ADGRL2: variants seen among roughly 807,000 people sequenced by gnomAD.
The protein encoded by ADGRL2 is adhesion G protein-coupled receptor L2.
In ADGRL2, 44 loss-of-function variants were observed where a neutral mutation model predicts 157.4. That is an observed-to-expected ratio of 0.28 (90% CI 0.22 to 0.36). The LOEUF (loss-of-function observed/expected upper bound fraction) is 0.36. Among genes scored for constraint, ADGRL2 ranks in the 10% least tolerant of loss-of-function variants. The probability of loss-of-function intolerance (pLI) is 1.00; values close to 1 mark genes in which losing one functional copy is unlikely to be tolerated. For synonymous variants in ADGRL2, 585 were observed against 624.7 expected (o/e 0.94, Z 0.95); for missense variants, 1,510 against 1,768.9 (o/e 0.85, Z 2.63).
At chr1:81,576,752 C>A (rs1029609211) in intron 2 of ADGRL2, among the ~76,000 whole-genome samples, 7 of 152,198 alleles carry the variant, frequency 4.6e-5, no homozygotes, top group African/African-American at 1.7e-4. Context: ...GTTTACCAAG[C>A]AATTAATTTA....
chr1:81,623,541 T>C (rs952875729), intron 3 of ADGRL2, among the ~76,000 whole-genome samples: 2 of 152,100 alleles, frequency 1.3e-5, no homozygotes, highest in Non-Finnish European at 2.9e-5. Flanking sequence ...TAAATGTGGT[T>C]ATATTTGGAA....
intron 2 of ADGRL2, among the ~76,000 whole-genome samples, chr1:81,487,163 G>A (rs946343299): frequency 1.5e-4 from 23 of 151,460 alleles, no homozygotes; most frequent in Admixed American, 5.3e-4. Context: ...ACCTCCTTTG[G>A]AGGCTGAGAT....
At chr1:81,576,978 T>C (rs2080810347) in intron 2 of ADGRL2, among the ~76,000 whole-genome samples, 1 of 152,160 alleles carries the variant, frequency 6.6e-6, no homozygotes, top group South Asian at 2.1e-4. Flanking sequence ...AGCATGGTTA[T>C]CATTTTTCTA....
intron 2 of ADGRL2, among the ~76,000 whole-genome samples, chr1:81,530,146 A>G (rs1234545529): frequency 6.6e-6 from 1 of 152,132 alleles, no homozygotes; most frequent in East Asian, 1.9e-4. Context: ...TGACAGGCCT[A>G]GCACCTGGTA....
chr1:81,415,903 C>T (rs1418486045), intron 1 of ADGRL2, among the ~76,000 whole-genome samples: 3 of 148,686 alleles, frequency 2.0e-5, no homozygotes, highest in East Asian at 3.9e-4. Context: ...TACAGTGGTG[C>T]GATCTCAGCT....
At chr1:81,387,502 A>T (rs2101091353) in intron 1 of ADGRL2, among the ~76,000 whole-genome samples, 1 of 152,264 alleles carries the variant, frequency 6.6e-6, no homozygotes, top group Non-Finnish European at 1.5e-5. Flanking sequence ...TGCTTTAAAT[A>T]CTTATTTCTT....
At chr1:81,522,582 A>G (rs771890377) in intron 2 of ADGRL2, among the ~76,000 whole-genome samples, 2 of 152,188 alleles carry the variant, frequency 1.3e-5, no homozygotes, top group Admixed American at 6.5e-5. Context: ...TAGGTGATGC[A>G]TAGCTTAAGA....
chr1:81,681,978 G>A (rs2083127152), intron 3 of ADGRL2, among the ~76,000 whole-genome samples: 1 of 152,146 alleles, frequency 6.6e-6, no homozygotes, highest in Non-Finnish European at 1.5e-5. Context: ...AGAAGCCAGT[G>A]AATGAAGTAA....
chr1:81,979,829 C>G, intron 17 of ADGRL2, 40 bp from the exon 18 acceptor site: 1 of 1,147,422 alleles, frequency 8.7e-7, no homozygotes, highest in Non-Finnish European at 1.3e-6. Flanking sequence ...TTTTTCAGCT[C>G]TTTGTTCATT....
intron 2 of ADGRL2, among the ~76,000 whole-genome samples, chr1:81,551,968 T>C (rs1214814397): frequency 6.6e-6 from 1 of 152,210 alleles, no homozygotes; most frequent in Non-Finnish European, 1.5e-5. Context: ...AGGAATCACT[T>C]TCCTGTTCCC....
At chr1:81,459,550 C>T (rs1044065282) in intron 2 of ADGRL2, among the ~76,000 whole-genome samples, 1 of 152,080 alleles carries the variant, frequency 6.6e-6, no homozygotes, top group African/African-American at 2.4e-5. Context: ...GTGCATACCA[C>T]ATTTTCTTTA....
chr1:81,330,425 T>C (rs979283120), intron 1 of ADGRL2, among the ~76,000 whole-genome samples: 1 of 152,180 alleles, frequency 6.6e-6, no homozygotes, highest in Admixed American at 6.6e-5. Context: ...CCTTGGGGAA[T>C]GTTCTACTGC....
intron 2 of ADGRL2, among the ~76,000 whole-genome samples, chr1:81,570,167 C>T (rs2080654213): frequency 6.6e-6 from 1 of 152,164 alleles, no homozygotes; most frequent in Non-Finnish European, 1.5e-5. Flanking sequence ...ATCAGGGTGA[C>T]ACTACACAAG....
rs149838602 is a variant in ADGRL2, at chr1:81,553,719, G to T, written c.-247-27157G>T. Among the ~76,000 whole-genome samples the T allele has an allele frequency of 5.8e-4, 89 of 152,226 alleles. 2 individuals carry two copies. The East Asian group carries it at 0.017, about 28-fold the overall frequency. On this transcript the variant is annotated intron_variant, in intron 2 of 24. Coordinates refer to the ADGRL2 transcript ENST00000370721. Reference sequence around the variant, plus strand: ...TCTGTAAGAATCAATACTTTGGCTGGGAATCTGTCAGTCTTTCAAAGTTAT... The same window carrying T: ...TCTGTAAGAATCAATACTTTGGCTGTGAATCTGTCAGTCTTTCAAAGTTAT...
At chr1:81,922,292 A>G (rs1294034248) in intron 3 of ADGRL2, among the ~76,000 whole-genome samples, 1 of 152,138 alleles carries the variant, frequency 6.6e-6, no homozygotes. Flanking sequence ...AACATGGAGC[A>G]TGTTCGCCAG....
Position 81,943,079 on chromosome 1 carries a change from A to C in ADGRL2, c.520A>C (p.Ile174Leu). Reference sequence around the variant, plus strand: ...GGACCCTCTTCAGGCTGCAGATAAAATTTATTTCATGCCCTGGACTCCCTA... The same window carrying C: ...GGACCCTCTTCAGGCTGCAGATAAACTTTATTTCATGCCCTGGACTCCCTA... ...CKDPLQAADKIYFMPWTPYRT... is the reference protein window; with the variant it reads ...CKDPLQAADKLYFMPWTPYRT... The change falls in exon 6 of 24, where the codon ATT becomes CTT. Residue 174 changes from isoleucine to leucine, a missense_variant. Around this residue, in one of 4 missense-constraint regions of ADGRL2, gnomAD observed 361 missense variants for 498.4 expected, o/e 0.72. Coordinates refer to ENST00000686636, the MANE Select transcript of ADGRL2 (RefSeq NM_001366006.2). The surrounding 1 kb of genome is among the most constrained non-coding windows in gnomAD (Gnocchi z 5.6). 1.2e-6 allele frequency: 2 copies of C among 1,613,478 alleles called. No individual in the cohort carries two copies. Among genetic ancestry groups the C allele is most frequent in the Non-Finnish European group, 1.7e-6 (2 of 1,179,580 alleles).
chr1:81,324,966 C>T (rs1413273429), intron 1 of ADGRL2, among the ~76,000 whole-genome samples: 1 of 152,068 alleles, frequency 6.6e-6, no homozygotes, highest in East Asian at 1.9e-4. Context: ...ATCCACCCAC[C>T]CCGACCTCCC....
At chr1:81,518,253 T>A (rs2079227472) in intron 2 of ADGRL2, among the ~76,000 whole-genome samples, 1 of 152,230 alleles carries the variant, frequency 6.6e-6, no homozygotes, top group Admixed American at 6.5e-5. Flanking sequence ...ACACCACCTT[T>A]CACAGTGTGT....
chr1:81,722,697 A>G, intron 1 of ADGRL2: 1 of 1,081,228 alleles, frequency 9.2e-7, no homozygotes, highest in East Asian at 2.4e-5. Context: ...TTGCAGAAGA[A>G]AGTATGAGCG....
Sources: allele counts gnomAD v4.1 joint callset (sites outside exome capture counted in the v4.1 genomes callset), GRCh38; gene constraint gnomAD v4.1.1; regional missense constraint gnomAD v4.1.1; non-coding constraint Gnocchi (gnomAD v3.1); transcripts MANE v1.5; gene names NCBI Gene and HGNC (gene_info 2026-07-23, HGNC 2026-07-21).